Variants in ZBTB20 observed in about 807,000 individuals in gnomAD.
ZBTB20 encodes the protein zinc finger and BTB domain containing 20.
ZBTB20 carries 9 observed loss-of-function variants against 56.9 expected under a neutral mutation model. The ratio of observed to expected loss-of-function variants is 0.16; its 90% confidence interval spans 0.10 to 0.28. ZBTB20 has a LOEUF of 0.28. Ranked by LOEUF, ZBTB20 falls within the 10% of genes least tolerant of loss-of-function variation. The probability of loss-of-function intolerance (pLI) is 1.00; values close to 1 mark genes in which losing one functional copy is unlikely to be tolerated. For synonymous variants in ZBTB20, 417 were observed against 420.7 expected (o/e 0.99, Z 0.11); for missense variants, 655 against 1,003.0 (o/e 0.65, Z 4.69).
chr3:114,484,084 T>C (rs2041847425), intron 7 of ZBTB20, among the ~76,000 whole-genome samples: 2 of 152,194 alleles, frequency 1.3e-5, no homozygotes, highest in Admixed American at 1.3e-4. Context: ...TGTGAGGACG[T>C]TGCAGCCTTT....
At position 114,317,891 on chromosome 3, in the gene ZBTB20, G is replaced by A. The variant is rs1345597839; in HGVS notation, c.*21114C>T. On this transcript the variant is annotated 3_prime_UTR_variant, in exon 12 of 12. Transcript: ENST00000675478. ...GAAGCTGGAAAAGGGGAACAAGAGA[G>A]AGTTTTTAGACAGAAGAAAGGAAAA... The A allele has an allele frequency of 6.6e-6, 1 of 152,162 alleles. No individual in the cohort carries two copies. Among genetic ancestry groups the A allele is most frequent in the Non-Finnish European group, 1.5e-5 (1 of 68,042 alleles). 9.4% of individuals were successfully genotyped at this position (152,162 alleles called of 1,614,324 possible).
chr3:114,989,055 T>C (rs1268093911), intron 2 of ZBTB20, among the ~76,000 whole-genome samples: 2 of 152,172 alleles, frequency 1.3e-5, no homozygotes, highest in African/African-American at 4.8e-5. Flanking sequence ...GTAGGTTGCC[T>C]GTTCACTCTG....
At chr3:114,987,868 G>A (rs1193801379) in intron 2 of ZBTB20, among the ~76,000 whole-genome samples, 1 of 152,138 alleles carries the variant, frequency 6.6e-6, no homozygotes, top group Non-Finnish European at 1.5e-5. Context: ...CATGTTGAAA[G>A]GGAGGGAAGA....
rs145997821 is a variant in ZBTB20 at position 114,689,761 on chromosome 3, A to G, written c.-295+3767T>C. Reference sequence around the variant, plus strand: ...TATGGATCTTTTTAAAAGGCAGTTTATATTCTAGGTTTATGTGATATGAGA... The same window carrying G: ...TATGGATCTTTTTAAAAGGCAGTTTGTATTCTAGGTTTATGTGATATGAGA... On this transcript the variant is annotated intron_variant, in intron 6 of 11. Coordinates refer to ENST00000675478, the MANE Select transcript of ZBTB20 (RefSeq NM_001348800.3). Among the ~76,000 whole-genome samples, 191 of 152,322 alleles carry G rather than the reference A, an allele frequency of 1.3e-3. 1 individual carries two copies. Among genetic ancestry groups the G allele is most frequent in the African/African-American group, 4.5e-3 (188 of 41,584 alleles).
At chr3:115,090,685 A>T (rs2083156995) in intron 1 of ZBTB20, among the ~76,000 whole-genome samples, 1 of 151,882 alleles carries the variant, frequency 6.6e-6, no homozygotes, top group Non-Finnish European at 1.5e-5. Context: ...GCCAATAAAT[A>T]ATATTTGTAT....
intron 6 of ZBTB20, among the ~76,000 whole-genome samples, chr3:114,647,483 T>C (rs1258465829): frequency 1.3e-5 from 2 of 152,174 alleles, no homozygotes; most frequent in Non-Finnish European, 1.5e-5. Flanking sequence ...AAGTCCAAAG[T>C]GAGGTTAGCT....
chr3:115,125,576 G>A (rs1188415288), intron 1 of ZBTB20, among the ~76,000 whole-genome samples: 1 of 152,072 alleles, frequency 6.6e-6, no homozygotes, highest in Non-Finnish European at 1.5e-5. Flanking sequence ...TGGTGGGTGG[G>A]GAGATGGGAG....
chr3:114,663,218 A>T (rs1411834189), intron 6 of ZBTB20, among the ~76,000 whole-genome samples: 4 of 146,038 alleles, frequency 2.7e-5, no homozygotes, highest in Non-Finnish European at 6.0e-5. Context: ...GCCAGAAGAG[A>T]GTGGGGGCCA....
chr3:114,391,703 C>G (rs1413583422), intron 7 of ZBTB20, among the ~76,000 whole-genome samples: 2 of 152,168 alleles, frequency 1.3e-5, no homozygotes, highest in Non-Finnish European at 2.9e-5. Context: ...AATAAACCCT[C>G]TTGCCTTGAG....
chr3:114,944,110 C>G (rs887940485), intron 3 of ZBTB20, among the ~76,000 whole-genome samples: 21 of 145,292 alleles, frequency 1.4e-4, no homozygotes, highest in Middle Eastern at 3.2e-3. Context: ...AAGTAACTAC[C>G]AACCTAAGAA....
intron 6 of ZBTB20, among the ~76,000 whole-genome samples, chr3:114,680,280 A>G (rs1303975104): frequency 6.6e-6 from 1 of 152,212 alleles, no homozygotes; most frequent in Non-Finnish European, 1.5e-5. Context: ...AACTTAAAGT[A>G]TAACTTAAAA....
chr3:114,925,346 C>T (rs2107777711), intron 3 of ZBTB20, among the ~76,000 whole-genome samples: 1 of 152,176 alleles, frequency 6.6e-6, no homozygotes, highest in East Asian at 1.9e-4. Flanking sequence ...TTCATTTCAA[C>T]CATATTCCCT....
chr3:114,871,364 C>A (rs1323081582), intron 4 of ZBTB20, among the ~76,000 whole-genome samples: 1 of 152,108 alleles, frequency 6.6e-6, no homozygotes, highest in South Asian at 2.1e-4. Flanking sequence ...AGTATCTCTG[C>A]CTTCTTAGAT....
At position 114,960,985 on chromosome 3, in the gene ZBTB20, G is replaced by A. The variant is rs577793593; in HGVS notation, c.-456+13381C>T. On this transcript the variant is annotated intron_variant, in intron 3 of 11. Coordinates refer to ENST00000675478, the MANE Select transcript of ZBTB20 (RefSeq NM_001348800.3). ...CAAATGCTCAGTGAGGTCCCAGTGA[G>A]AGTTAATTTGGAGAAGTGATGGAGG... is the stretch of plus-strand genomic sequence containing the variant. Among the ~76,000 whole-genome samples the A allele has an allele frequency of 2.6e-5, 4 of 152,204 alleles. No individual in the cohort carries two copies. The East Asian group carries it at 7.7e-4, about 29-fold the overall frequency.
chr3:114,517,825 C>T (rs574394987), intron 6 of ZBTB20, among the ~76,000 whole-genome samples: 7 of 152,008 alleles, frequency 4.6e-5, no homozygotes, highest in Non-Finnish European at 1.0e-4. Context: ...CCACCCGCCT[C>T]GGCCTCCCAA....
At chr3:114,609,299 G>C (rs1381728077) in intron 6 of ZBTB20, among the ~76,000 whole-genome samples, 2 of 152,142 alleles carry the variant, frequency 1.3e-5, no homozygotes, top group African/African-American at 4.8e-5. Flanking sequence ...AGAAAAGAAT[G>C]GTCTATGCCA....
intron 6 of ZBTB20, among the ~76,000 whole-genome samples, chr3:114,600,851 T>G (rs2056704706): frequency 6.6e-6 from 1 of 152,156 alleles, no homozygotes; most frequent in East Asian, 1.9e-4. Context: ...TGTTACTAAC[T>G]GAGGCCAAGC....
chr3:114,498,914 G>A (rs191824743), intron 7 of ZBTB20, among the ~76,000 whole-genome samples: 5 of 152,286 alleles, frequency 3.3e-5, no homozygotes, highest in Admixed American at 2.6e-4. Flanking sequence ...TAGCTGAGCC[G>A]TGCGGGCAGG....
chr3:114,390,398 T>C (rs914114114), intron 7 of ZBTB20, among the ~76,000 whole-genome samples: 2 of 152,234 alleles, frequency 1.3e-5, no homozygotes, highest in Admixed American at 6.5e-5. Context: ...GTGACACCCA[T>C]TGATCTGGGC....
Sources: gnomAD v4.1 joint callset for allele counts (sites outside exome capture counted in the v4.1 genomes callset) on GRCh38, gnomAD v4.1.1 for gene constraint, MANE v1.5 for transcripts, NCBI Gene and HGNC (gene_info 2026-07-23, HGNC 2026-07-21) for gene names.